TJP1: variants seen among roughly 807,000 people sequenced by gnomAD.
TJP1 encodes tight junction protein 1, also known as tight junction protein ZO-1.
A neutral mutation model predicts 194.2 loss-of-function variants in TJP1; 43 were observed. The ratio of observed to expected loss-of-function variants is 0.22; its 90% confidence interval spans 0.17 to 0.29. TJP1 has a LOEUF of 0.29. TJP1 is among the 10% of genes least tolerant of loss of function. The pLI is 1.00. For missense variants in TJP1, 1,971 were observed against 2,185.7 expected (o/e 0.90, Z 1.96); for synonymous variants, 801 against 779.0 (o/e 1.03, Z -0.47).
Position 29,728,017 on chromosome 15 carries a change from T to C in TJP1, c.2020A>G (p.Ser674Gly). Reference sequence around the variant, plus strand: ...TCAGTTCCAGCGTCTCGTGGTTCACTCTCTATTCATTATGTCAGGACAAAA... The same window carrying C: ...TCAGTTCCAGCGTCTCGTGGTTCACCCTCTATTCATTATGTCAGGACAAAA... ...EEPDIYQIAKSEPRDAGTDQR... is the reference protein window; with the variant it reads ...EEPDIYQIAKGEPRDAGTDQR... Residue 674 changes from serine to glycine, a missense_variant and splice_region_variant, in exon 16 of 28, where the codon AGT becomes GGT. Ser to Gly is a moderately conservative substitution (Grantham distance 56, BLOSUM62 0). Around this residue, in one of 5 missense-constraint regions of TJP1, gnomAD observed 402 missense variants for 484.2 expected, o/e 0.83. Coordinates refer to ENST00000614355, the MANE Select transcript of TJP1 (RefSeq NM_001330239.4). 6.2e-7 allele frequency: 1 copy of C among 1,613,960 alleles called. No homozygotes were observed. The highest frequency in any genetic ancestry group is 1.1e-5 in the South Asian group (1 of 91,072).
intron 8 of TJP1, among the ~76,000 whole-genome samples, chr15:29,748,079 C>G (rs1010807618): frequency 2.6e-5 from 4 of 152,106 alleles, no homozygotes; most frequent in African/African-American, 9.7e-5. Flanking sequence ...AGATCTAGAA[C>G]AGTACTGTTT....
intron 2 of TJP1, among the ~76,000 whole-genome samples, chr15:29,794,700 T>C (rs2048295156): frequency 6.6e-6 from 1 of 152,188 alleles, no homozygotes; most frequent in African/African-American, 2.4e-5. Flanking sequence ...TTTAAAGGTG[T>C]CTTATGTTAT....
intron 2 of TJP1, among the ~76,000 whole-genome samples, chr15:29,791,180 C>T (rs979921344): frequency 1.3e-5 from 2 of 152,004 alleles, no homozygotes; most frequent in East Asian, 3.9e-4. Flanking sequence ...GTGCACACCA[C>T]CACATTTGGC....
intron 2 of TJP1, among the ~76,000 whole-genome samples, chr15:29,848,583 TG>T (rs1425515700): frequency 6.6e-6 from 1 of 152,170 alleles, no homozygotes; most frequent in Non-Finnish European, 1.5e-5. Context: ...AACTATTGGC[TG>T]GGCATGGTGG....
At chr15:29,736,931 T>C (rs1399625199) in intron 11 of TJP1, among the ~76,000 whole-genome samples, 3 of 152,232 alleles carry the variant, frequency 2.0e-5, no homozygotes, top group Admixed American at 6.5e-5. Flanking sequence ...AGTCTGAATG[T>C]TTAGTTGAAC....
At chr15:29,954,852 G>A (rs150317510) in intron 2 of TJP1, among the ~76,000 whole-genome samples, 196 of 152,176 alleles carry the variant, frequency 1.3e-3, no homozygotes, top group African/African-American at 4.4e-3. Context: ...AGGCCGAGGC[G>A]GGTGGATCAC....
chr15:29,730,891 C>T (rs112551381), intron 15 of TJP1: 1 of 1,245,466 alleles, frequency 8.0e-7, no homozygotes. Context: ...AAGGGAAAAG[C>T]TGATGCTGGC....
At chr15:29,744,452 A>G (rs1053270640) in intron 8 of TJP1, among the ~76,000 whole-genome samples, 2 of 152,232 alleles carry the variant, frequency 1.3e-5, no homozygotes, top group African/African-American at 4.8e-5. Flanking sequence ...AAACAAAATA[A>G]AACTAAATGT....
At chr15:29,820,966 G>C (rs1487618634) in intron 1 of TJP1, among the ~76,000 whole-genome samples, 3 of 152,116 alleles carry the variant, frequency 2.0e-5, no homozygotes, top group Non-Finnish European at 4.4e-5. Flanking sequence ...AGATGTTACG[G>C]GTAAGCATTT....
At position 29,772,027 on chromosome 15, in the gene TJP1, G is replaced by C. The variant is rs759173041; in HGVS notation, c.312+37C>G. The C allele has an allele frequency of 1.0e-5, 13 of 1,287,370 alleles. No individual in the cohort carries two copies. In the Admixed American group the frequency reaches 1.7e-4, roughly 17 times the overall value. The allele number at this position is 1,287,370 out of a possible 1,614,324, so 79.7% of individuals were successfully genotyped here. A position where few individuals can be genotyped will look rare whatever the true frequency, so the allele number is the denominator to read the frequency against. On this transcript the variant is annotated intron_variant, in intron 4 of 27. Transcript: ENST00000614355. ...CAGAAATGTATCAACAATAAAGTTG[G>C]GGTACCTTTACTAAATTACAGAGAA...
chr15:29,940,354 C>T (rs540321096), intron 2 of TJP1, among the ~76,000 whole-genome samples: 54 of 152,212 alleles, frequency 3.5e-4, no homozygotes, highest in African/African-American at 1.3e-3. Flanking sequence ...TCAGGCCTCA[C>T]GAAACATTAG....
At chr15:29,885,711 G>GA (rs1162265204) in intron 2 of TJP1, among the ~76,000 whole-genome samples, 1 of 152,146 alleles carries the variant, frequency 6.6e-6, no homozygotes, top group African/African-American at 2.4e-5. Context: ...AAGAACATCT[G>GA]AAAAATAAGC....
chr15:29,736,955 CTG>C (rs1436613308), intron 11 of TJP1, among the ~76,000 whole-genome samples: 1 of 152,178 alleles, frequency 6.6e-6, no homozygotes, highest in Non-Finnish European at 1.5e-5. Flanking sequence ...CAAAGACTAC[CTG>C]GTAGATATTA....
At chr15:29,719,691 A>G (rs1291550420) in intron 20 of TJP1, 86 bp downstream of exon 20, 31 of 1,522,744 alleles carry the variant, frequency 2.0e-5, no homozygotes, top group Non-Finnish European at 2.7e-5. Flanking sequence ...AAAAAGCAAA[A>G]GGAACACTTA....
intron 1 of TJP1, among the ~76,000 whole-genome samples, chr15:29,820,961 T>A (rs1488562618): frequency 2.0e-5 from 3 of 152,230 alleles, no homozygotes; most frequent in African/African-American, 7.2e-5. Context: ...CTCCCAGATG[T>A]TACGGGTAAG....
chr15:29,893,410 T>G (rs1445324844), intron 2 of TJP1, among the ~76,000 whole-genome samples: 1 of 152,182 alleles, frequency 6.6e-6, no homozygotes, highest in Non-Finnish European at 1.5e-5. Context: ...CTGGCTCCAG[T>G]TTTGAAAGAA....
intron 8 of TJP1, among the ~76,000 whole-genome samples, chr15:29,745,246 ACT>A (rs1240433110): frequency 6.7e-6 from 1 of 149,910 alleles, no homozygotes; most frequent in Admixed American, 6.8e-5. Flanking sequence ...ACTGTTATTC[ACT>A]CTGATTTTGA....
At chr15:29,925,872 TC>T (rs2054508423) in intron 2 of TJP1, among the ~76,000 whole-genome samples, 1 of 152,184 alleles carries the variant, frequency 6.6e-6, no homozygotes, top group South Asian at 2.1e-4. Context: ...ACATATTAGC[TC>T]CTTTCTCTAG....
chr15:29,844,686 G>T (rs993882429), intron 2 of TJP1, among the ~76,000 whole-genome samples: 2 of 152,206 alleles, frequency 1.3e-5, no homozygotes, highest in African/African-American at 4.8e-5. Flanking sequence ...TTTGGAGGCT[G>T]ATGTCAGGAG....
Sources: gnomAD v4.1 joint callset for allele counts (sites outside exome capture counted in the v4.1 genomes callset) on GRCh38, gnomAD v4.1.1 for gene constraint, gnomAD v4.1.1 regional missense constraint, MANE v1.5 for transcripts, NCBI Gene and HGNC (gene_info 2026-07-23, HGNC 2026-07-21) for gene names.